The following AKAP13 variants were observed in gnomAD, a reference collection of about 807,000 sequenced individuals.
AKAP13 encodes the protein A-kinase anchor protein 13.
A neutral mutation model predicts 264.5 loss-of-function variants in AKAP13; 80 were observed. That is an observed-to-expected ratio of 0.30 (90% confidence interval 0.25 to 0.36). The LOEUF (loss-of-function observed/expected upper bound fraction) is 0.36, where lower values mean the gene tolerates loss of function less well. AKAP13 is among the 10% of genes least tolerant of loss of function. The pLI, the probability that AKAP13 is intolerant of heterozygous loss-of-function variation, is 1.00. For synonymous variants in AKAP13, 1,380 were observed against 1,250.2 expected, an observed-to-expected ratio of 1.10 and a Z score of -2.19; for missense variants, 3,712 against 3,435.2, an observed-to-expected ratio of 1.08 and a Z score of -2.01.
intron 5 of AKAP13, among the ~76,000 whole-genome samples, chr15:85,554,433 A>T (rs922951397): frequency 6.6e-6 from 1 of 152,142 alleles, no homozygotes; most frequent in Non-Finnish European, 1.5e-5. Context: ...ACTGTTTCCT[A>T]GTCAGCCTCA....
In AKAP13 at chr15:85,682,149, G is replaced by C. The variant is rs2084636023; in HGVS notation, c.5102-9G>C. The C allele has an allele frequency of 6.2e-7, 1 of 1,613,136 alleles. No homozygotes were observed. Among genetic ancestry groups the C allele is most frequent in the Non-Finnish European group, 8.5e-7 (1 of 1,179,848 alleles). ...TTGGTTCTAACTTTTTTTCTGCCTTGTTTTCTAGATTCACGGCCCTTCCAC... is the reference window on the plus strand; with the variant it reads ...TTGGTTCTAACTTTTTTTCTGCCTTCTTTTCTAGATTCACGGCCCTTCCAC... On this transcript the variant is annotated splice_polypyrimidine_tract_variant and intron_variant, in intron 14 of 36. Coordinates refer to ENST00000394518, the MANE Select transcript of AKAP13 (RefSeq NM_007200.5).
chr15:85,620,027 G>C lies in AKAP13; in HGVS notation c.4162-19347G>C, dbSNP rs546440355. On this transcript the variant is annotated intron_variant, in intron 8 of 36. Coordinates refer to ENST00000394518, the MANE Select transcript of AKAP13 (RefSeq NM_007200.5). The stretch of plus-strand genomic sequence containing the variant: ...AAATTTGGAACTAAGGACTTGCACT[G>C]GTCCCCAAGTTAACAGTGGATATAC... The C allele has an allele frequency of 1.6e-5, 25 of 1,533,184 alleles. No individual in the cohort carries two copies. The East Asian group carries it at 2.9e-4, about 18-fold the overall frequency. 95.0% of individuals were successfully genotyped at this position (1,533,184 alleles called of 1,614,324 possible).
intron 3 of AKAP13, among the ~76,000 whole-genome samples, chr15:85,523,361 A>G (rs979220220): frequency 1.3e-5 from 2 of 151,992 alleles, no homozygotes; most frequent in Non-Finnish European, 2.9e-5. Context: ...ACATGGGGTA[A>G]ATTCTTTAGC....
chr15:85,609,097 T>A (rs1380646116), intron 8 of AKAP13, among the ~76,000 whole-genome samples: 1 of 152,194 alleles, frequency 6.6e-6, no homozygotes, highest in Non-Finnish European at 1.5e-5. Context: ...ATCTGTCACC[T>A]CAAACGTTAA....
At position 85,533,614 on chromosome 15, in the gene AKAP13, A is replaced by T. The variant is rs762293575; in HGVS notation, c.212A>T (p.Gln71Leu). Reference sequence around the variant, plus strand: ...GATTGTTGTGAAACAGTGAAGGTGCAGCTCTGTGCTTCCAAAGAGGGCCTT... The same window carrying T: ...GATTGTTGTGAAACAGTGAAGGTGCTGCTCTGTGCTTCCAAAGAGGGCCTT... ...GHDCCETVKVQLCASKEGLPV... is the reference protein window; with the variant it reads ...GHDCCETVKVLLCASKEGLPV... Residue 71 changes from glutamine to leucine, a missense_variant, in exon 4 of 37, where the codon CAG (glutamine) becomes CTG (leucine). Gln to Leu is a moderately radical substitution (Grantham distance 113). Around this residue, in one of 3 missense-constraint regions of AKAP13, gnomAD observed 2,759 missense variants for 2,411.7 expected, o/e 1.14. Transcript: ENST00000394518. The T allele has an allele frequency of 3.0e-5, 48 of 1,613,416 alleles. No individual in the cohort carries two copies. In the East Asian group the frequency reaches 1.0e-3, roughly 34 times the overall value.
Position 85,734,189 on chromosome 15 carries a change from C to T in AKAP13, c.7283-803C>T, listed in dbSNP as rs930512404. 7.2e-5 allele frequency among the ~76,000 whole-genome samples: 11 copies of T among 152,054 alleles called. No homozygotes were observed. The South Asian group carries it at 1.0e-3, about 14-fold the overall frequency. ...CACCTATTTTATGGACATGTCTTTC[C>T]GATGTGCTTTTATTATCTGTAGAGA... On this transcript the variant is annotated intron_variant, in intron 30 of 36. Transcript: ENST00000394518.
chr15:85,712,764 G>A (rs941635675), intron 19 of AKAP13, among the ~76,000 whole-genome samples: 4 of 152,190 alleles, frequency 2.6e-5, no homozygotes, highest in South Asian at 2.1e-4. Flanking sequence ...GGCTGGTGTC[G>A]AATTTTTGAC....
chr15:85,493,047 A>G (rs1215394552), intron 2 of AKAP13, among the ~76,000 whole-genome samples: 6 of 152,184 alleles, frequency 3.9e-5, no homozygotes, highest in Non-Finnish European at 7.4e-5. Context: ...AAAATGGGGT[A>G]CCCTTGTTCT....
intron 13 of AKAP13, among the ~76,000 whole-genome samples, chr15:85,667,623 C>T (rs1016182505): frequency 9.8e-5 from 15 of 152,290 alleles, no homozygotes; most frequent in South Asian, 6.2e-4. Flanking sequence ...TAAACAGAAT[C>T]ATAGGCCAAG....
intron 1 of AKAP13, among the ~76,000 whole-genome samples, chr15:85,481,631 T>C (rs2075354882): frequency 6.6e-6 from 1 of 152,226 alleles, no homozygotes; most frequent in South Asian, 2.1e-4. Flanking sequence ...CCCCTCAAAT[T>C]TCTGATTCCT....
At chr15:85,416,905 G>A (rs1047717236) in intron 1 of AKAP13, among the ~76,000 whole-genome samples, 3 of 152,114 alleles carry the variant, frequency 2.0e-5, no homozygotes, top group Non-Finnish European at 2.9e-5. Context: ...GTGTAAGCTC[G>A]GCTGTCCACA....
At chr15:85,560,189 C>T (rs998067109) in intron 5 of AKAP13, among the ~76,000 whole-genome samples, 1 of 148,832 alleles carries the variant, frequency 6.7e-6, no homozygotes, top group Non-Finnish European at 1.5e-5. Flanking sequence ...TTAATTCTTC[C>T]TCTTGCTGGT....
chr15:85,714,285 T>C lies in AKAP13; in HGVS notation c.5600-1503T>C, dbSNP rs564302853. 3.3e-5 allele frequency among the ~76,000 whole-genome samples: 5 copies of C among 152,342 alleles called. No individual in the cohort carries two copies. The South Asian group carries it at 1.0e-3, about 32-fold the overall frequency. On this transcript the variant is annotated intron_variant, in intron 19 of 36. Transcript: ENST00000394518. The stretch of plus-strand genomic sequence containing the variant: ...GGTCTTCATCCTTGTCGTTTTCACA[T>C]TGAGTAGACCAAGAAGGAAGAGGAA...
intron 5 of AKAP13, among the ~76,000 whole-genome samples, chr15:85,572,425 G>GA (rs2078849482): frequency 6.6e-6 from 1 of 152,100 alleles, no homozygotes; most frequent in Non-Finnish European, 1.5e-5. Flanking sequence ...TTGAACTGTC[G>GA]AGAGTATTTT....
rs2089441091 is a variant in AKAP13 at position 85,748,765 on chromosome 15, C to CA, written c.*4090dup. Reference sequence around the variant, plus strand: ...CATCTCACTAAGGGTTAAAGGCGTGCAACCCCCCACTGGCTGTGTCCCCTG... The same window carrying CA: ...CATCTCACTAAGGGTTAAAGGCGTGCAAACCCCCCACTGGCTGTGTCCCCTG... On this transcript the variant is annotated 3_prime_UTR_variant, in exon 37 of 37. Coordinates refer to ENST00000394518, the MANE Select transcript of AKAP13 (RefSeq NM_007200.5). 1 of 152,298 alleles carries CA rather than the reference C, an allele frequency of 6.6e-6. No individual in the cohort carries two copies. Among genetic ancestry groups the CA allele is most frequent in the East Asian group, 1.9e-4 (1 of 5,198 alleles). 9.4% of individuals were successfully genotyped at this position (152,298 alleles called of 1,614,324 possible).
intron 1 of AKAP13, among the ~76,000 whole-genome samples, chr15:85,450,727 G>A (rs988661556): frequency 1.3e-5 from 2 of 151,988 alleles, no homozygotes; most frequent in African/African-American, 4.8e-5. Flanking sequence ...TGTGTGTTTG[G>A]TATGATTTGG....
chr15:85,695,419 A>G (rs1392234523), intron 17 of AKAP13, among the ~76,000 whole-genome samples: 1 of 152,100 alleles, frequency 6.6e-6, no homozygotes, highest in Non-Finnish European at 1.5e-5. Context: ...AACACACACA[A>G]AAAAACGTGT....
chr15:85,586,654 G>A (rs541762204), intron 8 of AKAP13, among the ~76,000 whole-genome samples: 3 of 152,120 alleles, frequency 2.0e-5, no homozygotes, highest in African/African-American at 4.8e-5. Flanking sequence ...GGCCAGACGC[G>A]GTGGCTCACA....
chr15:85,570,362 G>A (rs903389567), intron 5 of AKAP13, among the ~76,000 whole-genome samples: 1 of 152,172 alleles, frequency 6.6e-6, no homozygotes, highest in Non-Finnish European at 1.5e-5. Context: ...GGAGGCAGGA[G>A]AATCTCTTGA....
Sources: gnomAD v4.1 joint callset for allele counts (sites outside exome capture counted in the v4.1 genomes callset) on GRCh38, gnomAD v4.1.1 for gene constraint, gnomAD v4.1.1 regional missense constraint, MANE v1.5 for transcripts, NCBI Gene and HGNC (gene_info 2026-07-23, HGNC 2026-07-21) for gene names.